Variants in RSU1 observed in about 807,000 individuals in gnomAD.
RSU1 encodes rsu-1.
A neutral mutation model predicts 31.1 loss-of-function variants in RSU1; 26 were observed. The observed-to-expected ratio is 0.84, with a 90% CI of 0.61 to 1.16. RSU1 has a LOEUF of 1.16. Among genes scored for constraint, RSU1 ranks in the 50% most tolerant of loss-of-function variants. The probability of loss-of-function intolerance (pLI) is 0.00; values close to 1 mark genes in which losing one functional copy is unlikely to be tolerated. For missense variants in RSU1, 320 were observed against 339.1 expected, an observed-to-expected ratio of 0.94 and a Z score of 0.44; for synonymous variants, 164 against 136.3, an observed-to-expected ratio of 1.20 and a Z score of -1.41.
intron 3 of RSU1, among the ~76,000 whole-genome samples, chr10:16,766,192 G>A (rs1355271366): frequency 3.9e-5 from 6 of 152,200 alleles, no homozygotes; most frequent in African/African-American, 9.6e-5. Flanking sequence ...TCTAGTGAGC[G>A]GCCCCTGCGC....
intron 7 of RSU1, chr10:16,727,254 G>A (rs1836418614): frequency 9.6e-6 from 4 of 416,226 alleles, no homozygotes; most frequent in African/African-American, 2.0e-5. Flanking sequence ...TAATTTCACA[G>A]AGGAGATAAC....
At chr10:16,797,802 T>TAAACAC (rs1838070587) in intron 2 of RSU1, among the ~76,000 whole-genome samples, 1 of 146,314 alleles carries the variant, frequency 6.8e-6, no homozygotes, top group Non-Finnish European at 1.5e-5. Context: ...TAAGAGCAAA[T>TAAACAC]AAACACAATA....
chr10:16,709,141 C>G (rs1835965981), intron 7 of RSU1, among the ~76,000 whole-genome samples: 1 of 151,826 alleles, frequency 6.6e-6, no homozygotes, highest in Non-Finnish European at 1.5e-5. Flanking sequence ...GCTATCCCTC[C>G]CCCCTTCCCC....
In RSU1 at chr10:16,774,527, G is replaced by A. The variant is rs576923512; in HGVS notation, c.160+7507C>T. 2.4e-4 allele frequency among the ~76,000 whole-genome samples: 36 copies of A among 152,270 alleles called. No homozygotes were observed. In the East Asian group the frequency reaches 3.9e-3, roughly 16 times the overall value. Reference sequence around the variant, plus strand: ...GGAGGTTGCAGTGAGCCGAAATCACGCCACCGCATTCCAACCTGGGTGACA... The same window carrying A: ...GGAGGTTGCAGTGAGCCGAAATCACACCACCGCATTCCAACCTGGGTGACA... On this transcript the variant is annotated intron_variant, in intron 3 of 8. Coordinates refer to ENST00000345264, the MANE Select transcript of RSU1 (RefSeq NM_012425.4).
At chr10:16,684,164 C>T (rs958398873) in intron 8 of RSU1, among the ~76,000 whole-genome samples, 3 of 152,258 alleles carry the variant, frequency 2.0e-5, no homozygotes, top group East Asian at 3.9e-4. Flanking sequence ...TTTACAGATG[C>T]GCATTTTCAC....
intron 7 of RSU1, among the ~76,000 whole-genome samples, chr10:16,742,288 A>C (rs1836770046): frequency 6.6e-6 from 1 of 152,182 alleles, no homozygotes; most frequent in African/African-American, 2.4e-5. Flanking sequence ...AGAATTCTGG[A>C]AAGGTCTAAA....
intron 7 of RSU1, among the ~76,000 whole-genome samples, chr10:16,744,402 A>C (rs1158480136): frequency 6.6e-6 from 1 of 152,230 alleles, no homozygotes; most frequent in East Asian, 1.9e-4. Flanking sequence ...GAGAATAAAA[A>C]AAATCCCCAA....
chr10:16,771,744 C>T (rs1266568487), intron 3 of RSU1, among the ~76,000 whole-genome samples: 1 of 152,188 alleles, frequency 6.6e-6, no homozygotes, highest in Non-Finnish European at 1.5e-5. Context: ...TAACTGTCTT[C>T]ACAGATTTTA....
chr10:16,616,719 A>T (rs1471430216), intron 8 of RSU1, among the ~76,000 whole-genome samples: 1 of 152,234 alleles, frequency 6.6e-6, no homozygotes, highest in Non-Finnish European at 1.5e-5. Context: ...AGCATACGCA[A>T]ATCAATAAAA....
At chr10:16,757,223 G>C (rs1239796150) in intron 4 of RSU1, among the ~76,000 whole-genome samples, 1 of 151,730 alleles carries the variant, frequency 6.6e-6, no homozygotes, top group Admixed American at 6.6e-5. Flanking sequence ...AGTTCCCTTT[G>C]AGCATACTTA....
At chr10:16,763,263 G>T (rs1057348912) in intron 4 of RSU1, among the ~76,000 whole-genome samples, 1 of 152,106 alleles carries the variant, frequency 6.6e-6, no homozygotes, top group Admixed American at 6.5e-5. Context: ...CTGAGGCTGG[G>T]TAACTTACAA....
At chr10:16,813,055 T>A (rs1838441106) in intron 2 of RSU1, among the ~76,000 whole-genome samples, 2 of 150,748 alleles carry the variant, frequency 1.3e-5, no homozygotes, top group Non-Finnish European at 1.5e-5. Context: ...CACTACAAAC[T>A]CAAACTCCTG....
chr10:16,610,657 C>A (rs1410994833), intron 8 of RSU1, among the ~76,000 whole-genome samples: 1 of 152,174 alleles, frequency 6.6e-6, no homozygotes, highest in African/African-American at 2.4e-5. Context: ...AGGGCTCCCA[C>A]TGATTGTGTA....
intron 3 of RSU1, among the ~76,000 whole-genome samples, chr10:16,774,510 C>T (rs1327995686): frequency 1.3e-5 from 2 of 152,178 alleles, no homozygotes; most frequent in African/African-American, 4.8e-5. Flanking sequence ...ATGGAGGTTG[C>T]AGTGAGCCGA....
At chr10:16,695,812 C>T (rs1306496777) in intron 7 of RSU1, among the ~76,000 whole-genome samples, 4 of 151,968 alleles carry the variant, frequency 2.6e-5, no homozygotes, top group Non-Finnish European at 5.9e-5. Context: ...ACTAATATGC[C>T]CAAGATCAGA....
chr10:16,704,900 T>C (rs1835863365), intron 7 of RSU1, among the ~76,000 whole-genome samples: 1 of 152,334 alleles, frequency 6.6e-6, no homozygotes, highest in African/African-American at 2.4e-5. Context: ...TTCATGATTT[T>C]TAAGGGTATG....
intron 2 of RSU1, among the ~76,000 whole-genome samples, chr10:16,811,863 A>C (rs1421106591): frequency 6.6e-6 from 1 of 152,164 alleles, no homozygotes; most frequent in Non-Finnish European, 1.5e-5. Flanking sequence ...TTCCTTCTTC[A>C]ATAAATTTTT....
At chr10:16,601,117 C>T (rs1019757085) in intron 8 of RSU1, among the ~76,000 whole-genome samples, 16 of 152,092 alleles carry the variant, frequency 1.1e-4, no homozygotes, top group African/African-American at 3.6e-4. Context: ...TGATTGTCTC[C>T]GAGCAGCTGC....
intron 8 of RSU1, among the ~76,000 whole-genome samples, chr10:16,644,116 C>T (rs907976495): frequency 1.3e-5 from 2 of 151,564 alleles, no homozygotes; most frequent in Non-Finnish European, 2.9e-5. Context: ...GGGGGGGGGT[C>T]CTAGAACCAA....
Sources: allele counts gnomAD v4.1 joint callset (sites outside exome capture counted in the v4.1 genomes callset), GRCh38; gene constraint gnomAD v4.1.1; transcripts MANE v1.5; gene names NCBI Gene and HGNC (gene_info 2026-07-23, HGNC 2026-07-21).